The following RALYL variants were observed in gnomAD, a reference collection of about 807,000 sequenced individuals.
The protein encoded by RALYL is RNA-binding Raly-like protein.
A neutral mutation model predicts 35.1 loss-of-function variants in RALYL; 29 were observed. The ratio of observed to expected loss-of-function variants is 0.83; its 90% CI spans 0.61 to 1.13. The LOEUF (loss-of-function observed/expected upper bound fraction) is 1.13. Ranked by LOEUF, RALYL falls within the 50% of genes most tolerant of loss-of-function variation. RALYL has a pLI of 0.00. For missense variants in RALYL, 359 were observed against 360.4 expected (o/e 1.00, Z 0.03); for synonymous variants, 120 against 127.6 (o/e 0.94, Z 0.40).
At chr8:84,203,929 TCTTATAGTG>T (rs1370845684) in intron 1 of RALYL, among the ~76,000 whole-genome samples, 2 of 152,104 alleles carry the variant, frequency 1.3e-5, no homozygotes, top group Non-Finnish European at 2.9e-5. Flanking sequence ...TATGATACTC[TCTTATAGTG>T]CTTATAGATT....
chr8:84,756,483 C>T (rs1336287942), intron 2 of RALYL, among the ~76,000 whole-genome samples: 1 of 152,070 alleles, frequency 6.6e-6, no homozygotes, highest in East Asian at 1.9e-4. Context: ...ATTTTGCTAG[C>T]TTTGAATTGT....
chr8:84,573,124 AT>A (rs1003989106), intron 2 of RALYL, among the ~76,000 whole-genome samples: 3 of 151,134 alleles, frequency 2.0e-5, no homozygotes, highest in Non-Finnish European at 4.4e-5. Context: ...CACAATATAT[AT>A]TTTTTTACTT....
At chr8:84,839,093 T>A (rs1832637501) in intron 4 of RALYL, among the ~76,000 whole-genome samples, 1 of 152,210 alleles carries the variant, frequency 6.6e-6, no homozygotes. Context: ...ACCAGGTTCA[T>A]CTCACTGGAG....
chr8:84,920,883 T>C lies in RALYL; in HGVS notation c.859-11T>C. 1 of 1,366,744 alleles carries C rather than the reference T, an allele frequency of 7.3e-7. No individual in the cohort carries two copies. The highest frequency in any genetic ancestry group is 1.5e-5 in the African/African-American group (1 of 66,630). 84.7% of individuals were successfully genotyped at this position (1,366,744 alleles called of 1,614,324 possible). A position where few individuals can be genotyped will look rare whatever the true frequency, so the allele number is the denominator to read the frequency against. ...ATCTCTGTATTTTAAAATTTTTTTT[T>C]ATTTTCTCAGTTTCTACAGATAAAG... On this transcript the variant is annotated splice_polypyrimidine_tract_variant and intron_variant, in intron 8 of 8. Transcript: ENST00000521268.
chr8:84,792,439 C>T (rs1166126405), intron 3 of RALYL, among the ~76,000 whole-genome samples: 5 of 152,198 alleles, frequency 3.3e-5, no homozygotes, highest in African/African-American at 7.2e-5. Flanking sequence ...TTCTTCTGCT[C>T]TTCTGTTTGT....
At chr8:84,879,410 A>G (rs564773830) in intron 7 of RALYL, among the ~76,000 whole-genome samples, 1 of 152,324 alleles carries the variant, frequency 6.6e-6, no homozygotes, top group Non-Finnish European at 1.5e-5. Flanking sequence ...AGCTGCACAA[A>G]GTACTTTCAC....
intron 2 of RALYL, among the ~76,000 whole-genome samples, chr8:84,660,281 C>G (rs1830664409): frequency 6.6e-6 from 1 of 151,796 alleles, no homozygotes; most frequent in African/African-American, 2.4e-5. Flanking sequence ...TTTTATTTCT[C>G]TTTTTGTGTC....
intron 1 of RALYL, among the ~76,000 whole-genome samples, chr8:84,494,044 C>T (rs1402734565): frequency 6.6e-6 from 1 of 151,738 alleles, no homozygotes; most frequent in African/African-American, 2.4e-5. Flanking sequence ...TGGGTTTTAC[C>T]TTTAAGTCTT....
intron 1 of RALYL, among the ~76,000 whole-genome samples, chr8:84,430,950 C>T (rs535709566): frequency 6.6e-6 from 1 of 152,190 alleles, no homozygotes; most frequent in African/African-American, 2.4e-5. Flanking sequence ...TTCATAATGT[C>T]CTACTTATTT....
chr8:84,890,705 G>A (rs185717759), intron 8 of RALYL, among the ~76,000 whole-genome samples: 57 of 152,132 alleles, frequency 3.7e-4, no homozygotes, highest in Admixed American at 2.0e-3. Flanking sequence ...CTGTTATCAC[G>A]TTATCAATCT....
chr8:84,464,409 G>C (rs1158719462), intron 1 of RALYL, among the ~76,000 whole-genome samples: 5 of 150,470 alleles, frequency 3.3e-5, no homozygotes, highest in Non-Finnish European at 7.4e-5. Flanking sequence ...TTTTGTTCTT[G>C]CGATAGTTTA....
At chr8:84,801,626 G>GA (rs1460136770) in intron 3 of RALYL, among the ~76,000 whole-genome samples, 1 of 152,074 alleles carries the variant, frequency 6.6e-6, no homozygotes, top group Admixed American at 6.6e-5. Flanking sequence ...TCATGCATGG[G>GA]AAAAAACAGT....
rs59458639 is a variant in RALYL at position 84,215,100 on chromosome 8, T to C, written c.-24+30676T>C. On this transcript the variant is annotated intron_variant, in intron 1 of 8. Coordinates refer to ENST00000521268, the MANE Select transcript of RALYL (RefSeq NM_173848.7). ...TTTTGTATTTTTAGTAGAGATGGGG[T>C]TTTGAGGGGAAAGGAGAAGCCTGGT... is the stretch of plus-strand genomic sequence containing the variant. Among the ~76,000 whole-genome samples, 942 of 151,866 alleles carry C rather than the reference T, an allele frequency of 6.2e-3. 14 individuals are homozygous for C. The highest frequency in any genetic ancestry group is 0.021 in the African/African-American group (858 of 41,422).
At chr8:84,605,063 A>G (rs1426005185) in intron 2 of RALYL, among the ~76,000 whole-genome samples, 1 of 152,124 alleles carries the variant, frequency 6.6e-6, no homozygotes, top group Non-Finnish European at 1.5e-5. Flanking sequence ...TTTTTATTAT[A>G]AAGTAAATCA....
chr8:84,741,757 G>A (rs1200650376), intron 2 of RALYL, among the ~76,000 whole-genome samples: 3 of 151,864 alleles, frequency 2.0e-5, no homozygotes, highest in Admixed American at 2.0e-4. Context: ...ACTTTCAAAA[G>A]AAAAAGAATT....
chr8:84,907,454 T>A (rs935803878), intron 8 of RALYL, among the ~76,000 whole-genome samples: 17 of 151,942 alleles, frequency 1.1e-4, no homozygotes, highest in Non-Finnish European at 2.4e-4. Flanking sequence ...CAATGCTGAG[T>A]TTTTTATATA....
chr8:84,367,318 A>AATTTTTTTTTTTTT, intron 1 of RALYL, among the ~76,000 whole-genome samples: 1 of 27,400 alleles, frequency 3.6e-5, no homozygotes, highest in Non-Finnish European at 9.9e-5. Context: ...TAATTTTTGT[A>AATTTTTTTTTTTTT]TTTTTTTTTT....
At chr8:84,242,456 A>G (rs1177348779) in intron 1 of RALYL, among the ~76,000 whole-genome samples, 1 of 152,192 alleles carries the variant, frequency 6.6e-6, no homozygotes, top group East Asian at 1.9e-4. Context: ...TTACATTCCC[A>G]CCAACAGTGT....
intron 8 of RALYL, among the ~76,000 whole-genome samples, chr8:84,898,270 C>A (rs1402038968): frequency 1.3e-5 from 2 of 152,162 alleles, no homozygotes; most frequent in Non-Finnish European, 2.9e-5. Flanking sequence ...AACACGCATT[C>A]TAGGTGATTG....
Sources: allele counts gnomAD v4.1 joint callset (sites outside exome capture counted in the v4.1 genomes callset), GRCh38; gene constraint gnomAD v4.1.1; transcripts MANE v1.5; gene names NCBI Gene and HGNC (gene_info 2026-07-23, HGNC 2026-07-21).